Variants in RBFOX1 observed in about 807,000 individuals in gnomAD.
RBFOX1 encodes the protein RNA binding protein fox-1 homolog 1.
In RBFOX1, 8 loss-of-function variants were observed where a neutral mutation model predicts 57.7. The ratio of observed to expected loss-of-function variants is 0.14; its 90% CI spans 0.08 to 0.25. The LOEUF is 0.25. RBFOX1 is among the 10% of genes least tolerant of loss of function. The probability of loss-of-function intolerance (pLI) is 1.00; values close to 1 mark genes in which losing one functional copy is unlikely to be tolerated. For synonymous variants in RBFOX1, 326 were observed against 222.4 expected, an observed-to-expected ratio of 1.47 and a Z score of -4.15; for missense variants, 611 against 548.5, an observed-to-expected ratio of 1.11 and a Z score of -1.14.
chr16:6,554,218 C>T (rs563729182), intron 2 of RBFOX1, among the ~76,000 whole-genome samples: 4 of 152,126 alleles, frequency 2.6e-5, no homozygotes, highest in Non-Finnish European at 4.4e-5. Flanking sequence ...TATTTCCCTA[C>T]TGAGTAAGAA....
chr16:6,344,407 C>CTTTTTCTTTTTT (rs1555635136), intron 2 of RBFOX1, among the ~76,000 whole-genome samples: 5 of 109,846 alleles, frequency 4.6e-5, no homozygotes, highest in East Asian at 2.3e-4. Flanking sequence ...TCTTTTTTTT[C>CTTTTTCTTTTTT]TTTTTTTTTT....
At chr16:5,275,877 A>G (rs893732468) in intron 1 of RBFOX1, among the ~76,000 whole-genome samples, 4 of 152,236 alleles carry the variant, frequency 2.6e-5, no homozygotes, top group African/African-American at 7.2e-5. Flanking sequence ...CCAGAAATAA[A>G]GCCCAATAAT....
intron 5 of RBFOX1, among the ~76,000 whole-genome samples, chr16:7,565,526 A>G (rs1567855143): frequency 6.6e-6 from 1 of 152,140 alleles, no homozygotes; most frequent in Non-Finnish European, 1.5e-5. Flanking sequence ...TGGACCCTGT[A>G]AATTCACTCG....
chr16:5,598,086 C>T (rs577852186), intron 2 of RBFOX1, among the ~76,000 whole-genome samples: 2 of 152,186 alleles, frequency 1.3e-5, no homozygotes, highest in South Asian at 2.1e-4. Context: ...CACCTGAGGT[C>T]AGGAGTTCGA....
intron 5 of RBFOX1, among the ~76,000 whole-genome samples, chr16:7,520,641 T>C (rs1600740405): frequency 6.6e-6 from 1 of 152,216 alleles, no homozygotes; most frequent in African/African-American, 2.4e-5. Flanking sequence ...CTGCCGACTT[T>C]TTTGTATTTA....
intron 4 of RBFOX1, among the ~76,000 whole-genome samples, chr16:7,432,891 G>A (rs1340817516): frequency 6.6e-6 from 1 of 152,168 alleles, no homozygotes; most frequent in Admixed American, 6.5e-5. Flanking sequence ...TCATAACACA[G>A]AATCAACAGC....
At chr16:6,541,433 G>T (rs911020564) in intron 2 of RBFOX1, among the ~76,000 whole-genome samples, 2 of 152,176 alleles carry the variant, frequency 1.3e-5, no homozygotes, top group African/African-American at 4.8e-5. Context: ...ACATGGAGTT[G>T]GTCACAGTGC....
intron 3 of RBFOX1, among the ~76,000 whole-genome samples, chr16:5,793,485 A>G (rs1475438420): frequency 1.3e-5 from 2 of 152,218 alleles, no homozygotes. Flanking sequence ...CAGGAAGCTG[A>G]TGTGGCACTG....
intron 1 of RBFOX1, among the ~76,000 whole-genome samples, chr16:6,282,442 C>T (rs932913058): frequency 6.8e-6 from 1 of 146,646 alleles, no homozygotes; most frequent in African/African-American, 2.5e-5. Flanking sequence ...CACAGATAAA[C>T]ATGTGCCATG....
At chr16:5,582,112 G>C (rs866151807) in intron 2 of RBFOX1, among the ~76,000 whole-genome samples, 60 of 152,212 alleles carry the variant, frequency 3.9e-4, no homozygotes, top group African/African-American at 1.4e-3. Context: ...CTCTTCTGCA[G>C]GCAGGCAGTC....
chr16:6,976,663 G>A lies in RBFOX1; in HGVS notation c.-15-75394G>A, dbSNP rs1278776036. ...CTAGGTACAATGTTTATATATATATGATATATATATCATATATATCATACC... is the reference window on the plus strand; with the variant it reads ...CTAGGTACAATGTTTATATATATATAATATATATATCATATATATCATACC... On this transcript the variant is annotated intron_variant, in intron 3 of 15. Transcript: ENST00000550418. Among the ~76,000 whole-genome samples the A allele has an allele frequency of 2.0e-5, 3 of 148,644 alleles. No individual in the cohort carries two copies. The Admixed American group carries it at 2.0e-4, about 10-fold the overall frequency.
At chr16:6,948,662 G>T (rs917927543) in intron 3 of RBFOX1, among the ~76,000 whole-genome samples, 1 of 151,980 alleles carries the variant, frequency 6.6e-6, no homozygotes, top group Non-Finnish European at 1.5e-5. Context: ...GATTACAAGC[G>T]TGAGCCACCA....
chr16:7,122,955 A>G (rs2067534261), intron 4 of RBFOX1, among the ~76,000 whole-genome samples: 1 of 152,124 alleles, frequency 6.6e-6, no homozygotes, highest in Admixed American at 6.5e-5. Flanking sequence ...TCAAACGATG[A>G]CATAGTGTAT....
chr16:5,267,030 A>C (rs2062876665), intron 1 of RBFOX1, among the ~76,000 whole-genome samples: 1 of 150,726 alleles, frequency 6.6e-6, no homozygotes, highest in Non-Finnish European at 1.5e-5. Flanking sequence ...AATGAGCACC[A>C]GGGGCCACTG....
intron 4 of RBFOX1, among the ~76,000 whole-genome samples, chr16:7,319,740 C>T (rs1036919895): frequency 6.6e-6 from 1 of 152,084 alleles, no homozygotes; most frequent in African/African-American, 2.4e-5. Flanking sequence ...GTGAAGCAGG[C>T]AGAGGAAAGG....
At chr16:7,009,487 C>T (rs1218660785) in intron 3 of RBFOX1, among the ~76,000 whole-genome samples, 1 of 151,890 alleles carries the variant, frequency 6.6e-6, no homozygotes, top group African/African-American at 2.4e-5. Context: ...AGCCCAAGCA[C>T]AGGAGAAGAT....
chr16:6,930,087 A>T (rs1182241668), intron 3 of RBFOX1, among the ~76,000 whole-genome samples: 2 of 151,652 alleles, frequency 1.3e-5, no homozygotes, highest in African/African-American at 4.8e-5. Flanking sequence ...ATGCTGGTTT[A>T]CTCGGCCTGC....
At chr16:6,916,829 T>A (rs2073286922) in intron 3 of RBFOX1, among the ~76,000 whole-genome samples, 1 of 152,150 alleles carries the variant, frequency 6.6e-6, no homozygotes, top group Non-Finnish European at 1.5e-5. Context: ...ACCTTGATCT[T>A]GTTTTTTTAT....
At chr16:6,895,456 A>ATGTG (rs1567761417) in intron 3 of RBFOX1, among the ~76,000 whole-genome samples, 1 of 79,514 alleles carries the variant, frequency 1.3e-5, no homozygotes, top group African/African-American at 6.2e-5. Context: ...GTGTATATAT[A>ATGTG]TATATATATA....
Sources: allele counts gnomAD v4.1 joint callset (sites outside exome capture counted in the v4.1 genomes callset), GRCh38; gene constraint gnomAD v4.1.1; transcripts MANE v1.5; gene names NCBI Gene and HGNC (gene_info 2026-07-23, HGNC 2026-07-21).